Variants in MYH10 observed in about 807,000 individuals in gnomAD.
The protein encoded by MYH10 is myosin-10.
A neutral mutation model predicts 257.8 loss-of-function variants in MYH10; 55 were observed. That is an observed-to-expected ratio of 0.21 (90% CI 0.17 to 0.27). MYH10 has a LOEUF of 0.27. MYH10 is among the 10% of genes least tolerant of loss of function. The probability of loss-of-function intolerance (pLI) is 1.00; values close to 1 mark genes in which losing one functional copy is unlikely to be tolerated. For synonymous variants in MYH10, 854 were observed against 921.7 expected (o/e 0.93, Z 1.33); for missense variants, 1,631 against 2,500.6 (o/e 0.65, Z 7.42).
At position 8,493,131 on chromosome 17, in the gene MYH10, G is replaced by A. The variant is rs527615627; in HGVS notation, c.4210-107C>T. 66 of 1,293,530 alleles carry A rather than the reference G, an allele frequency of 5.1e-5. No individual in the cohort carries two copies. In the East Asian group the frequency reaches 5.6e-4, roughly 11 times the overall value. The allele number at this position is 1,293,530 out of a possible 1,614,324, so 80.1% of individuals were successfully genotyped here. ...TCCCAGCACTTTGGGAGGCCGAGGC[G>A]GCAGGATCACTTGAGGTCAGGAGTT... On this transcript the variant is annotated intron_variant, in intron 32 of 42. Coordinates refer to ENST00000360416, the MANE Select transcript of MYH10 (RefSeq NM_001256012.3).
intron 19 of MYH10, among the ~76,000 whole-genome samples, chr17:8,519,243 A>G (rs1330620396): frequency 1.3e-5 from 2 of 152,194 alleles, no homozygotes; most frequent in East Asian, 3.8e-4. Flanking sequence ...ATTTTTCTTC[A>G]TGTCCCATAA....
At chr17:8,546,896 C>A (rs942668367) in intron 11 of MYH10, among the ~76,000 whole-genome samples, 6 of 152,112 alleles carry the variant, frequency 3.9e-5, no homozygotes, top group Admixed American at 1.3e-4. Context: ...GACTGCCTTG[C>A]CTATTTATTC....
rs2082127633 is a variant in MYH10 at position 8,535,931 on chromosome 17, C to A, written c.1606G>T (p.Ala536Ser). The A allele has an allele frequency of 1.2e-6, 2 of 1,612,100 alleles. No individual in the cohort carries two copies. Among genetic ancestry groups the A allele is most frequent in the South Asian group, 2.2e-5 (2 of 90,840 alleles). The change falls in exon 15 of 43, where the codon GCG becomes TCG. Residue 536 changes from alanine (A) to serine (S), a missense_variant and splice_region_variant. By Grantham distance (99) the Ala-to-Ser change is moderately conservative. This residue lies in a region of MYH10 where 63 missense variants were observed against 167.9 expected (regional missense o/e 0.38). Coordinates refer to ENST00000360416, the MANE Select transcript of MYH10 (RefSeq NM_001256012.3). The surrounding 1 kb of genome is among the most constrained non-coding windows in gnomAD (Gnocchi z 4.3). ...AGGGCCAGTACACCAGGAGGGTTCG[C>A]CTGATAATGACAGGCAATAAGAATT... is the stretch of plus-strand genomic sequence containing the variant. ...QPCIDLIERPANPPGVLALLD... is the reference protein window; with the variant it reads ...QPCIDLIERPSNPPGVLALLD...
chr17:8,505,694 C>A (rs1459283137), intron 27 of MYH10, among the ~76,000 whole-genome samples: 2 of 152,156 alleles, frequency 1.3e-5, no homozygotes, highest in Non-Finnish European at 2.9e-5. Context: ...CTAAAACATA[C>A]TACAGGCTGG....
At chr17:8,555,596 T>A (rs2082765917) in intron 7 of MYH10, among the ~76,000 whole-genome samples, 1 of 152,088 alleles carries the variant, frequency 6.6e-6, no homozygotes, top group African/African-American at 2.4e-5. Context: ...AAAACAAAAT[T>A]AAAGGAACCT....
At chr17:8,520,718 T>C (rs1328645364) in intron 19 of MYH10, among the ~76,000 whole-genome samples, 160 bp downstream of exon 19, 1 of 152,176 alleles carries the variant, frequency 6.6e-6, no homozygotes, top group East Asian at 1.9e-4. Flanking sequence ...ATCAAGGTAG[T>C]AAGGATTGTC....
Position 8,623,162 on chromosome 17 carries a change from C to G in MYH10, c.85G>C (p.Asp29His). The change falls in exon 2 of 43, where the codon GAT (aspartate) becomes CAT (histidine). Residue 29 changes from aspartate (D) to histidine (H), a missense_variant. Around this residue, in one of 11 missense-constraint regions of MYH10, gnomAD observed 360 missense variants for 581.9 expected, o/e 0.62. Transcript: ENST00000360416. ...CACACTAGCTTTTTAGCTGTCCAATCAGCTTGAGTGGCAGGGTTGTAGATG... is the reference window on the plus strand; with the variant it reads ...CACACTAGCTTTTTAGCTGTCCAATGAGCTTGAGTGGCAGGGTTGTAGATG... The part of the protein sequence containing the change: ...AVIYNPATQA[D>H]WTAKKLVWIP... 1.9e-6 allele frequency: 3 copies of G among 1,613,758 alleles called. No individual in the cohort carries two copies. In the South Asian group the frequency reaches 3.3e-5, roughly 18 times the overall value.
intron 36 of MYH10, 104 bp downstream of exon 36, chr17:8,487,329 G>T: frequency 7.1e-7 from 1 of 1,400,830 alleles, no homozygotes; most frequent in East Asian, 2.3e-5. Context: ...CCCCGGCCAC[G>T]CTGACAGCGG....
At chr17:8,559,502 T>A (rs1243192735) in intron 7 of MYH10, among the ~76,000 whole-genome samples, 1 of 152,156 alleles carries the variant, frequency 6.6e-6, no homozygotes, top group Non-Finnish European at 1.5e-5. Context: ...ATTCTTTTTT[T>A]TAGCATAGTT....
chr17:8,568,498 C>A (rs2083234324), intron 7 of MYH10, among the ~76,000 whole-genome samples: 1 of 152,066 alleles, frequency 6.6e-6, no homozygotes, highest in Admixed American at 6.6e-5. Context: ...CACGACGACA[C>A]TAGATCCCCC....
In MYH10 at chr17:8,545,534, G is replaced by A; in HGVS notation, c.1345C>T (p.Arg449Cys). The change falls in exon 13 of 43, where the codon CGC becomes TGC. Residue 449 changes from arginine (R) to cysteine (C), a missense_variant. Arg to Cys is a radical substitution (Grantham distance 180). This residue lies in a region of MYH10 where 360 missense variants were observed against 581.9 expected (regional missense o/e 0.62). Coordinates refer to ENST00000360416, the MANE Select transcript of MYH10 (RefSeq NM_001256012.3). The surrounding 1 kb of genome is among the most constrained non-coding windows in gnomAD (Gnocchi z 4.7). ...GTCCTATCCAGAGCTTTATTGATGC[G>A]ATGAACGAGCCAGCGAAAGAGCCGC... The part of the protein sequence containing the change: ...YERLFRWLVH[R>C]INKALDRTKR... The A allele has an allele frequency of 6.2e-7, 1 of 1,614,034 alleles. No individual in the cohort carries two copies. The highest frequency in any genetic ancestry group is 1.7e-5 in the Admixed American group (1 of 60,000).
Position 8,518,483 on chromosome 17 carries a change from T to TA in MYH10, c.2504+147dup, listed in dbSNP as rs938324615. The TA allele has an allele frequency of 1.1e-4, 87 of 780,154 alleles. 1 individual carries two copies. In the African/African-American group the frequency reaches 1.4e-3, roughly 13 times the overall value. 48.3% of individuals were successfully genotyped at this position (780,154 alleles called of 1,614,324 possible). On this transcript the variant is annotated intron_variant, in intron 21 of 42. Transcript: ENST00000360416. ...CATCCCATTACTTAGAATGTTCATG[T>TA]ATTTACCTGACTATCTCTGCCACTA...
rs57472344 is a variant in MYH10, at chr17:8,548,426, GA to G, written c.1064-19del. On this transcript the variant is annotated intron_variant, in intron 10 of 42. Transcript: ENST00000360416. Reference sequence around the variant, plus strand: ...AAGCATTGCTTCATATTGATAAAAAGAAAAAAAAAATTAATATTGCCTCAAA... The same window carrying G: ...AAGCATTGCTTCATATTGATAAAAAGAAAAAAAAATTAATATTGCCTCAAA... 1,361,493 of 1,372,472 alleles carry G rather than the reference GA, an allele frequency of 0.99. 675,651 individuals are homozygous for G. The highest frequency in any genetic ancestry group is 1 in the East Asian group (43,117 of 43,156). 85.0% of individuals were successfully genotyped at this position (1,372,472 alleles called of 1,614,324 possible).
intron 7 of MYH10, among the ~76,000 whole-genome samples, chr17:8,568,405 G>A (rs953871325): frequency 2.6e-5 from 4 of 152,012 alleles, no homozygotes; most frequent in African/African-American, 9.7e-5. Flanking sequence ...CCTGAATCTG[G>A]TCGCTTCCAC....
chr17:8,556,399 C>T (rs545309469), intron 7 of MYH10, among the ~76,000 whole-genome samples: 3 of 152,290 alleles, frequency 2.0e-5, no homozygotes, highest in East Asian at 1.9e-4. Flanking sequence ...ATGAAGAAAT[C>T]GTGGTATATT....
chr17:8,564,943 T>G (rs148641688), intron 7 of MYH10, among the ~76,000 whole-genome samples: 146 of 152,300 alleles, frequency 9.6e-4, no homozygotes, highest in African/African-American at 3.1e-3. Flanking sequence ...TGTGGACAGA[T>G]CTGAAACACC....
chr17:8,542,436 G>C (rs910508785), intron 13 of MYH10, among the ~76,000 whole-genome samples, 156 bp from the exon 14 acceptor site: 1 of 152,156 alleles, frequency 6.6e-6, no homozygotes, highest in South Asian at 2.1e-4. Context: ...CTAAACCAAG[G>C]GGGGTGGTCT....
In MYH10 at chr17:8,513,520, C is replaced by A. The variant is rs1438796946; in HGVS notation, c.2745+18G>T. 4 of 1,612,860 alleles carry A rather than the reference C, an allele frequency of 2.5e-6. No individual in the cohort carries two copies. Among genetic ancestry groups the A allele is most frequent in the Non-Finnish European group, 3.4e-6 (4 of 1,179,538 alleles). On this transcript the variant is annotated intron_variant, in intron 23 of 42. Transcript: ENST00000360416. ...GGGATTCAGGGCCAAGTGTGAGTTA[C>A]AAGGTCACTGCACACACCTGCTGGT...
chr17:8,526,887 A>C (rs2081864848), intron 17 of MYH10, among the ~76,000 whole-genome samples: 1 of 152,194 alleles, frequency 6.6e-6, no homozygotes, highest in Non-Finnish European at 1.5e-5. Context: ...GGAAACCAAA[A>C]AAGGGGGAAG....
Sources: allele counts gnomAD v4.1 joint callset (sites outside exome capture counted in the v4.1 genomes callset), GRCh38; gene constraint gnomAD v4.1.1; regional missense constraint gnomAD v4.1.1; non-coding constraint Gnocchi (gnomAD v3.1); transcripts MANE v1.5; gene names NCBI Gene and HGNC (gene_info 2026-07-23, HGNC 2026-07-21).